The following NKAIN2 variants were observed in gnomAD, a reference collection of about 807,000 sequenced individuals.
The protein encoded by NKAIN2 is sodium/potassium transporting ATPase interacting 2.
Under a neutral mutation model 32.6 loss-of-function variants are expected in NKAIN2, and 14 were observed. The observed-to-expected ratio is 0.43, with a 90% CI of 0.28 to 0.67. NKAIN2 has a LOEUF of 0.67. Among genes scored for constraint, NKAIN2 ranks in the 30% least tolerant of loss-of-function variants. The pLI is 0.17. For synonymous variants in NKAIN2, 80 were observed against 87.2 expected (o/e 0.92, Z 0.46); for missense variants, 198 against 258.3 (o/e 0.77, Z 1.60).
Position 124,354,339 on chromosome 6 carries a change from A to G in NKAIN2, c.193-928A>G, listed in dbSNP as rs539877717. Among the ~76,000 whole-genome samples the G allele has an allele frequency of 1.1e-4, 17 of 152,330 alleles. No individual in the cohort carries two copies. In the South Asian group the frequency reaches 3.3e-3, roughly 30 times the overall value. On this transcript the variant is annotated intron_variant, in intron 2 of 6. Transcript: ENST00000368417. ...TTTGCATTCTCAGTGTCTTGCTAGC[A>G]TGTTGCCTTCTGGATGCTTCATACA...
At chr6:123,819,006 T>C (rs528051067) in intron 1 of NKAIN2, among the ~76,000 whole-genome samples, 3 of 152,186 alleles carry the variant, frequency 2.0e-5, no homozygotes, top group East Asian at 1.9e-4. Flanking sequence ...TAAGTGGGTG[T>C]AGGATGTGTA....
intron 3 of NKAIN2, among the ~76,000 whole-genome samples, chr6:124,411,433 A>G (rs1225276845): frequency 1.3e-5 from 2 of 151,938 alleles, no homozygotes; most frequent in Non-Finnish European, 2.9e-5. Flanking sequence ...TTTCTCCTTC[A>G]CTTATGAAGC....
chr6:123,835,329 C>T (rs536026498), intron 1 of NKAIN2, among the ~76,000 whole-genome samples: 4 of 152,118 alleles, frequency 2.6e-5, no homozygotes, highest in African/African-American at 4.8e-5. Flanking sequence ...TTTCTGTGTG[C>T]GTTCTTGTTT....
chr6:123,849,949 GTT>G lies in NKAIN2; in HGVS notation c.54+45706_54+45707del, dbSNP rs777466801. 1.6e-4 allele frequency among the ~76,000 whole-genome samples: 6 copies of G among 38,688 alleles called. No homozygotes were observed. In the East Asian group the frequency reaches 0.018, roughly 117 times the overall value. 25.4% of individuals were successfully genotyped at this position (38,688 alleles called of 152,430 possible). On this transcript the variant is annotated intron_variant, in intron 1 of 6. Transcript: ENST00000368417. The stretch of plus-strand genomic sequence containing the variant: ...TGGTTTCACTCTGTAACTCAGGCTG[GTT>G]TTTTTTTTTTGTTTGTTTGTTTTTT...
chr6:123,806,775 A>C (rs1171491553), intron 1 of NKAIN2, among the ~76,000 whole-genome samples: 2 of 151,988 alleles, frequency 1.3e-5, no homozygotes, highest in African/African-American at 4.8e-5. Context: ...TACAGGAAAA[A>C]AGGCCAAAGA....
At chr6:124,181,217 G>A (rs1789431461) in intron 1 of NKAIN2, among the ~76,000 whole-genome samples, 1 of 152,142 alleles carries the variant, frequency 6.6e-6, no homozygotes, top group Non-Finnish European at 1.5e-5. Flanking sequence ...CAATGGCTGG[G>A]ATGCAGGGCA....
In NKAIN2 at chr6:124,326,825, T is replaced by C. The variant is rs561907390; in HGVS notation, c.193-28442T>C. Among the ~76,000 whole-genome samples, 27 of 152,284 alleles carry C rather than the reference T, an allele frequency of 1.8e-4. No homozygotes were observed. The East Asian group carries it at 5.0e-3, about 28-fold the overall frequency. Reference sequence around the variant, plus strand: ...ATTTTTGTTTCTTAACTTGAGTAATTCTACCAGGAGGGCATAGGTAACCAT... The same window carrying C: ...ATTTTTGTTTCTTAACTTGAGTAATCCTACCAGGAGGGCATAGGTAACCAT... On this transcript the variant is annotated intron_variant, in intron 2 of 6. Coordinates refer to ENST00000368417, the MANE Select transcript of NKAIN2 (RefSeq NM_001040214.3).
intron 1 of NKAIN2, among the ~76,000 whole-genome samples, chr6:123,914,945 G>A (rs1270004670): frequency 3.9e-5 from 6 of 152,168 alleles, no homozygotes; most frequent in Non-Finnish European, 8.8e-5. Flanking sequence ...AAGGGAGCCT[G>A]CATTTGATTC....
At chr6:124,806,306 C>A (rs1387802491) in intron 5 of NKAIN2, among the ~76,000 whole-genome samples, 1 of 152,178 alleles carries the variant, frequency 6.6e-6, no homozygotes, top group South Asian at 2.1e-4. Flanking sequence ...AGAAACTCTA[C>A]AAGCCAGAAG....
intron 3 of NKAIN2, among the ~76,000 whole-genome samples, chr6:124,496,995 A>G (rs1041055493): frequency 2.0e-5 from 3 of 152,090 alleles, no homozygotes; most frequent in Admixed American, 6.6e-5. Flanking sequence ...GATATTCTGT[A>G]TCCTAATGCC....
intron 2 of NKAIN2, among the ~76,000 whole-genome samples, chr6:124,308,181 C>T (rs1168737217): frequency 6.6e-6 from 1 of 151,812 alleles, no homozygotes; most frequent in African/African-American, 2.4e-5. Flanking sequence ...CTGATGTTCC[C>T]CTCCCTGTAA....
At chr6:124,379,313 G>A (rs1240810400) in intron 3 of NKAIN2, among the ~76,000 whole-genome samples, 2 of 140,798 alleles carry the variant, frequency 1.4e-5, no homozygotes, top group African/African-American at 5.3e-5. Flanking sequence ...AAAGGGGAGA[G>A]GAGAGAAAGA....
chr6:124,328,610 C>A (rs949546281), intron 2 of NKAIN2, among the ~76,000 whole-genome samples: 1 of 152,264 alleles, frequency 6.6e-6, no homozygotes, highest in African/African-American at 2.4e-5. Context: ...ATTGTAAAAG[C>A]AAAGCAGTTG....
intron 3 of NKAIN2, among the ~76,000 whole-genome samples, chr6:124,535,065 T>C (rs1472791240): frequency 6.6e-6 from 1 of 152,232 alleles, no homozygotes; most frequent in East Asian, 1.9e-4. Context: ...ATCTTCTTTA[T>C]GGAATAATGG....
chr6:124,558,884 G>A (rs113065810), intron 3 of NKAIN2, among the ~76,000 whole-genome samples: 1 of 152,138 alleles, frequency 6.6e-6, no homozygotes, highest in Non-Finnish European at 1.5e-5. Flanking sequence ...GGGAGGTGGA[G>A]GTTGCAGTGA....
chr6:124,043,661 A>G (rs902864139), intron 1 of NKAIN2, among the ~76,000 whole-genome samples: 2 of 152,106 alleles, frequency 1.3e-5, no homozygotes, highest in African/African-American at 2.4e-5. Context: ...ATGGTAGCTA[A>G]GATCATATGT....
At chr6:124,655,548 C>T (rs1326047622) in intron 3 of NKAIN2, among the ~76,000 whole-genome samples, 6 of 152,060 alleles carry the variant, frequency 3.9e-5, no homozygotes, top group Admixed American at 2.0e-4. Flanking sequence ...ACTAACTGTC[C>T]TGGTGTGCTT....
chr6:124,668,276 G>A lies in NKAIN2; in HGVS notation c.474+9890G>A, dbSNP rs890379201. Among the ~76,000 whole-genome samples the A allele has an allele frequency of 7.2e-5, 11 of 152,108 alleles. No homozygotes were observed. In the East Asian group the frequency reaches 1.7e-3, roughly 24 times the overall value. On this transcript the variant is annotated intron_variant, in intron 4 of 6. Coordinates refer to ENST00000368417, the MANE Select transcript of NKAIN2 (RefSeq NM_001040214.3). The stretch of plus-strand genomic sequence containing the variant: ...TTGCAAATATGGCTCTAGAGTCATG[G>A]ACTGAAGTAGAGTGTCCTGTCTTCA...
chr6:124,202,662 T>C (rs1562419915), intron 1 of NKAIN2, among the ~76,000 whole-genome samples: 1 of 151,938 alleles, frequency 6.6e-6, no homozygotes, highest in Non-Finnish European at 1.5e-5. Flanking sequence ...TTAGGATTTT[T>C]TTTATTCTAA....
Sources: allele counts gnomAD v4.1 joint callset (sites outside exome capture counted in the v4.1 genomes callset), GRCh38; gene constraint gnomAD v4.1.1; transcripts MANE v1.5; gene names NCBI Gene and HGNC (gene_info 2026-07-23, HGNC 2026-07-21).